The following SNTG1 variants were observed in gnomAD, a reference collection of about 807,000 sequenced individuals.
The protein encoded by SNTG1 is syntrophin gamma 1.
In SNTG1, 39 loss-of-function variants were observed where a neutral mutation model predicts 74.7. The observed-to-expected ratio is 0.52, with a 90% CI of 0.40 to 0.68. The LOEUF is 0.68. Among genes scored for constraint, SNTG1 ranks in the 30% least tolerant of loss-of-function variants. SNTG1 has a pLI of 0.00. For missense variants in SNTG1, 685 were observed against 609.5 expected, an observed-to-expected ratio of 1.12 and a Z score of -1.30; for synonymous variants, 254 against 217.1, an observed-to-expected ratio of 1.17 and a Z score of -1.49.
intron 2 of SNTG1, among the ~76,000 whole-genome samples, chr8:50,191,411 G>C (rs531121783): frequency 6.6e-6 from 1 of 152,210 alleles, no homozygotes; most frequent in South Asian, 2.1e-4. Flanking sequence ...AATATGCCAG[G>C]TGAATCAGTA....
At chr8:49,962,467 A>G (rs1371765742) in intron 1 of SNTG1, among the ~76,000 whole-genome samples, 1 of 152,040 alleles carries the variant, frequency 6.6e-6, no homozygotes, top group East Asian at 1.9e-4. Flanking sequence ...CAAGGTCATC[A>G]TGAGGAAAGA....
At chr8:50,304,637 G>A (rs1011269467) in intron 2 of SNTG1, among the ~76,000 whole-genome samples, 2 of 151,966 alleles carry the variant, frequency 1.3e-5, no homozygotes, top group African/African-American at 2.4e-5. Context: ...ACAAAAAAAA[G>A]TATTTAAAAA....
intron 2 of SNTG1, among the ~76,000 whole-genome samples, chr8:50,176,051 G>C (rs551478792): frequency 4.6e-5 from 7 of 152,194 alleles, no homozygotes; most frequent in Admixed American, 1.3e-4. Flanking sequence ...GCGGCCCCAG[G>C]CTTCCTGGGC....
At chr8:50,191,534 A>G (rs1024252882) in intron 2 of SNTG1, among the ~76,000 whole-genome samples, 1 of 152,104 alleles carries the variant, frequency 6.6e-6, no homozygotes, top group African/African-American at 2.4e-5. Context: ...ATCCTCTAAT[A>G]CAGAATTATG....
At chr8:49,931,959 CATT>C (rs956079816) in intron 1 of SNTG1, among the ~76,000 whole-genome samples, 1 of 152,170 alleles carries the variant, frequency 6.6e-6, no homozygotes, top group African/African-American at 2.4e-5. Context: ...TTTGGACAGT[CATT>C]AGTAGTTACT....
At chr8:50,077,149 T>G (rs932765709) in intron 1 of SNTG1, among the ~76,000 whole-genome samples, 7 of 152,208 alleles carry the variant, frequency 4.6e-5, no homozygotes, top group African/African-American at 1.7e-4. Flanking sequence ...AACTGCATAT[T>G]TTGGCTACAA....
intron 8 of SNTG1, among the ~76,000 whole-genome samples, chr8:50,479,233 G>T (rs2131806036): frequency 6.6e-6 from 1 of 151,504 alleles, no homozygotes; most frequent in East Asian, 1.9e-4. Context: ...TTTCTTCTGA[G>T]AATATAATTG....
chr8:50,580,470 A>G (rs534727675), intron 12 of SNTG1, among the ~76,000 whole-genome samples: 100 of 152,204 alleles, frequency 6.6e-4, no homozygotes, highest in Middle Eastern at 3.4e-3. Flanking sequence ...GGGCAGAATG[A>G]TATGGTTGGG....
In SNTG1 at chr8:50,561,609, T is replaced by A. The variant is rs1371592098; in HGVS notation, c.810+8430T>A. 2.6e-5 allele frequency among the ~76,000 whole-genome samples: 4 copies of A among 152,090 alleles called. No homozygotes were observed. The South Asian group carries it at 8.3e-4, about 32-fold the overall frequency. ...CATGTCACATGGGCTTAAATATATC[T>A]AGATGGAATTGAAAATATAGACTGA... On this transcript the variant is annotated intron_variant, in intron 12 of 18. Coordinates refer to ENST00000642720, the MANE Select transcript of SNTG1 (RefSeq NM_018967.5).
At chr8:50,380,830 A>G (rs946028185) in intron 2 of SNTG1, among the ~76,000 whole-genome samples, 1 of 152,142 alleles carries the variant, frequency 6.6e-6, no homozygotes, top group African/African-American at 2.4e-5. Flanking sequence ...AATTCTTTTT[A>G]ATTTCTGAGT....
At chr8:50,147,067 T>C (rs1225731696) in intron 1 of SNTG1, among the ~76,000 whole-genome samples, 2 of 152,190 alleles carry the variant, frequency 1.3e-5, no homozygotes, top group Admixed American at 6.5e-5. Flanking sequence ...GTTGATGTTG[T>C]ATTTAAAACC....
chr8:50,767,460 A>C (rs2095616598), intron 18 of SNTG1, among the ~76,000 whole-genome samples: 1 of 151,972 alleles, frequency 6.6e-6, no homozygotes, highest in African/African-American at 2.4e-5. Context: ...TCTTCCTCTG[A>C]TAGCAAAAAT....
intron 8 of SNTG1, among the ~76,000 whole-genome samples, chr8:50,472,804 G>T (rs1164954217): frequency 6.6e-6 from 1 of 151,792 alleles, no homozygotes; most frequent in African/African-American, 2.4e-5. Flanking sequence ...AATATATAAA[G>T]AACTACATTT....
intron 2 of SNTG1, among the ~76,000 whole-genome samples, chr8:50,229,929 G>A (rs2085530573): frequency 6.6e-6 from 1 of 151,518 alleles, no homozygotes; most frequent in Admixed American, 6.6e-5. Flanking sequence ...AACACAGTGA[G>A]ATGTGGGACA....
At chr8:50,029,512 C>T (rs1291855609) in intron 1 of SNTG1, among the ~76,000 whole-genome samples, 1 of 152,008 alleles carries the variant, frequency 6.6e-6, no homozygotes, top group African/African-American at 2.4e-5. Flanking sequence ...CACTTCTCTT[C>T]CTGCCCTCTG....
intron 18 of SNTG1, among the ~76,000 whole-genome samples, chr8:50,771,985 A>G (rs2095628351): frequency 6.6e-6 from 1 of 152,020 alleles, no homozygotes; most frequent in South Asian, 2.1e-4. Flanking sequence ...ATATAGAAAA[A>G]CCTGCAGGCC....
intron 1 of SNTG1, among the ~76,000 whole-genome samples, chr8:50,069,567 A>T (rs1821179093): frequency 7.5e-6 from 1 of 133,522 alleles, no homozygotes; most frequent in Admixed American, 7.7e-5. Flanking sequence ...CTCTCTGGGC[A>T]GTGAGATTGG....
At chr8:50,755,704 A>C (rs557541315) in intron 18 of SNTG1, among the ~76,000 whole-genome samples, 1 of 151,860 alleles carries the variant, frequency 6.6e-6, no homozygotes, top group Non-Finnish European at 1.5e-5. Context: ...TAATTGTAGA[A>C]CTTTCCATCT....
intron 9 of SNTG1, among the ~76,000 whole-genome samples, chr8:50,524,501 A>T (rs1233770923): frequency 6.6e-6 from 1 of 152,166 alleles, no homozygotes; most frequent in African/African-American, 2.4e-5. Context: ...CTCCATGTCA[A>T]TCACATACAC....
Sources: allele counts gnomAD v4.1 joint callset (sites outside exome capture counted in the v4.1 genomes callset), GRCh38; gene constraint gnomAD v4.1.1; transcripts MANE v1.5; gene names NCBI Gene and HGNC (gene_info 2026-07-23, HGNC 2026-07-21).